The following EDIL3 variants were observed in gnomAD, a reference collection of about 807,000 sequenced individuals.
EDIL3 encodes EGF-like repeat and discoidin I-like domain-containing protein 3.
EDIL3 carries 37 observed loss-of-function variants against 67.4 expected under a neutral mutation model. The ratio of observed to expected loss-of-function variants is 0.55; its 90% CI spans 0.42 to 0.72. The LOEUF is 0.72. Among genes scored for constraint, EDIL3 ranks in the 30% least tolerant of loss-of-function variants. The pLI is 0.00. For synonymous variants in EDIL3, 195 were observed against 196.3 expected, an observed-to-expected ratio of 0.99 and a Z score of 0.05; for missense variants, 527 against 586.3, an observed-to-expected ratio of 0.90 and a Z score of 1.04.
chr5:84,311,014 C>T (rs903873738), intron 1 of EDIL3, among the ~76,000 whole-genome samples: 1 of 152,024 alleles, frequency 6.6e-6, no homozygotes, highest in Non-Finnish European at 1.5e-5. Flanking sequence ...AACATTATGT[C>T]CATGAGATTC....
chr5:83,951,803 T>A (rs753079843), intron 10 of EDIL3, among the ~76,000 whole-genome samples: 4 of 151,796 alleles, frequency 2.6e-5, no homozygotes, highest in Non-Finnish European at 5.9e-5. Flanking sequence ...GTATTTTTTT[T>A]AGAACATTTA....
rs1032001346 is a variant in EDIL3 at position 84,205,667 on chromosome 5, C to T, written c.226+24188G>A. 4.6e-5 allele frequency among the ~76,000 whole-genome samples: 7 copies of T among 152,074 alleles called. No individual in the cohort carries two copies. The South Asian group carries it at 1.2e-3, about 27-fold the overall frequency. ...AGAGTGTATGTGTCAAGGAATTTAT[C>T]CATTTCTTCTAGATTTTCTAGTTTA... On this transcript the variant is annotated intron_variant, in intron 3 of 10. Transcript: ENST00000296591.
intron 4 of EDIL3, among the ~76,000 whole-genome samples, chr5:84,167,837 T>C (rs1313866406): frequency 1.3e-5 from 2 of 152,306 alleles, no homozygotes; most frequent in African/African-American, 4.8e-5. Context: ...ATTTAAATTC[T>C]CAGCTCTTTC....
At chr5:84,204,974 G>C (rs558672228) in intron 3 of EDIL3, among the ~76,000 whole-genome samples, 1 of 151,858 alleles carries the variant, frequency 6.6e-6, no homozygotes, top group East Asian at 1.9e-4. Context: ...GTGCAGTGAC[G>C]CAATCACAGC....
At chr5:84,197,654 T>C (rs1174164415) in intron 3 of EDIL3, among the ~76,000 whole-genome samples, 6 of 147,762 alleles carry the variant, frequency 4.1e-5, no homozygotes, top group South Asian at 2.1e-4. Context: ...CGAAACTACA[T>C]CTCAAAAAAA....
intron 1 of EDIL3, among the ~76,000 whole-genome samples, chr5:84,339,633 T>A (rs987425512): frequency 1.3e-5 from 2 of 152,134 alleles, no homozygotes; most frequent in African/African-American, 2.4e-5. Flanking sequence ...AAACATTATA[T>A]ATGCTGCTTT....
intron 6 of EDIL3, among the ~76,000 whole-genome samples, chr5:84,090,338 T>G (rs909814177): frequency 6.6e-6 from 1 of 152,206 alleles, no homozygotes; most frequent in Non-Finnish European, 1.5e-5. Flanking sequence ...TATGCTTTTC[T>G]CCAGCATTTT....
chr5:84,135,771 T>C (rs1006502461), intron 5 of EDIL3, among the ~76,000 whole-genome samples: 10 of 152,200 alleles, frequency 6.6e-5, no homozygotes, highest in Non-Finnish European at 1.3e-4. Context: ...CCTGCACCTT[T>C]CTTCATCAAC....
chr5:84,383,583 C>T (rs1035801322), intron 1 of EDIL3, among the ~76,000 whole-genome samples: 1 of 152,202 alleles, frequency 6.6e-6, no homozygotes, highest in Non-Finnish European at 1.5e-5. Flanking sequence ...GCTTGCCCCG[C>T]ACTATTCCCC....
At chr5:84,096,402 G>A (rs891942085) in intron 6 of EDIL3, among the ~76,000 whole-genome samples, 1 of 152,204 alleles carries the variant, frequency 6.6e-6, no homozygotes, top group African/African-American at 2.4e-5. Flanking sequence ...ACATGGATGT[G>A]AGACATGCAG....
At chr5:84,115,792 A>G (rs1373983538) in intron 5 of EDIL3, among the ~76,000 whole-genome samples, 3 of 152,210 alleles carry the variant, frequency 2.0e-5, no homozygotes, top group Non-Finnish European at 4.4e-5. Context: ...CAAAACATAT[A>G]TCTACATAGG....
chr5:83,988,722 G>C (rs1745097114), intron 9 of EDIL3, among the ~76,000 whole-genome samples: 1 of 152,102 alleles, frequency 6.6e-6, no homozygotes, highest in East Asian at 1.9e-4. Flanking sequence ...CAGGTGAAAT[G>C]CTACACTAAA....
chr5:84,044,886 G>C (rs1186667944), intron 9 of EDIL3, among the ~76,000 whole-genome samples: 1 of 152,120 alleles, frequency 6.6e-6, no homozygotes, highest in Non-Finnish European at 1.5e-5. Flanking sequence ...TACCCTTCAG[G>C]GGGCAGGCCA....
intron 1 of EDIL3, among the ~76,000 whole-genome samples, chr5:84,256,152 T>TATCTATCTATCTATC (rs1561236925): frequency 6.8e-5 from 10 of 146,380 alleles, no homozygotes; most frequent in African/African-American, 2.3e-4. Flanking sequence ...ATCTATCATC[T>TATCTATCTATCTATC]ATCTATCTAT....
At chr5:84,286,453 A>G (rs765434282) in intron 1 of EDIL3, among the ~76,000 whole-genome samples, 1 of 152,200 alleles carries the variant, frequency 6.6e-6, no homozygotes, top group East Asian at 1.9e-4. Flanking sequence ...ACAGGCTGAT[A>G]TGCAGTGCTT....
intron 9 of EDIL3, among the ~76,000 whole-genome samples, chr5:84,016,135 C>G (rs376295481): frequency 6.6e-6 from 1 of 152,104 alleles, no homozygotes; most frequent in South Asian, 2.1e-4. Flanking sequence ...TAAATGAGAA[C>G]ATGTGGTACT....
intron 5 of EDIL3, among the ~76,000 whole-genome samples, chr5:84,132,203 C>T (rs1198402528): frequency 1.4e-5 from 2 of 144,958 alleles, no homozygotes; most frequent in Non-Finnish European, 3.0e-5. Context: ...CTACAGCACT[C>T]TAGCCACCTG....
chr5:84,236,009 C>G (rs1031846690), intron 2 of EDIL3, among the ~76,000 whole-genome samples: 2 of 151,908 alleles, frequency 1.3e-5, no homozygotes, highest in African/African-American at 4.8e-5. Flanking sequence ...ACAAAATGTA[C>G]TTTTAATGTT....
chr5:83,979,905 A>G (rs1487221405), intron 9 of EDIL3, among the ~76,000 whole-genome samples: 1 of 152,142 alleles, frequency 6.6e-6, no homozygotes, highest in Admixed American at 6.6e-5. Context: ...CCTATGCAGT[A>G]GCCCTAATGG....
Sources: allele counts gnomAD v4.1 joint callset (sites outside exome capture counted in the v4.1 genomes callset), GRCh38; gene constraint gnomAD v4.1.1; transcripts MANE v1.5; gene names NCBI Gene and HGNC (gene_info 2026-07-23, HGNC 2026-07-21).